GRK5: variants seen among roughly 807,000 people sequenced by gnomAD.
The protein encoded by GRK5 is g protein-coupled receptor kinase GRK5.
GRK5 carries 40 observed loss-of-function variants against 78.4 expected under a neutral mutation model. The observed-to-expected ratio is 0.51, with a 90% CI of 0.40 to 0.66. The LOEUF is 0.66. GRK5 is among the 30% of genes least tolerant of loss of function. The pLI, the probability that GRK5 is intolerant of heterozygous loss-of-function variation, is 0.00. For synonymous variants in GRK5, 289 were observed against 296.8 expected (o/e 0.97, Z 0.27); for missense variants, 598 against 759.9 (o/e 0.79, Z 2.50).
At chr10:119,432,849 T>C (rs759588091) in intron 8 of GRK5, among the ~76,000 whole-genome samples, 2 of 152,140 alleles carry the variant, frequency 1.3e-5, no homozygotes, top group Non-Finnish European at 2.9e-5. Flanking sequence ...GGCAGACAGA[T>C]CACTTGAGAT....
chr10:119,340,889 G>T (rs1245085138), intron 2 of GRK5, among the ~76,000 whole-genome samples: 1 of 152,226 alleles, frequency 6.6e-6, no homozygotes, highest in Admixed American at 6.5e-5. Flanking sequence ...TGATGTGGGT[G>T]TGTGAGCCTT....
chr10:119,356,189 A>C (rs888745354), intron 2 of GRK5, among the ~76,000 whole-genome samples: 1 of 152,236 alleles, frequency 6.6e-6, no homozygotes, highest in African/African-American at 2.4e-5. Context: ...ATTCAGACTA[A>C]AGGACATAGA....
intron 1 of GRK5, among the ~76,000 whole-genome samples, chr10:119,244,142 T>G (rs903577443): frequency 1.3e-5 from 2 of 152,272 alleles, no homozygotes; most frequent in Non-Finnish European, 2.9e-5. Flanking sequence ...AGCCACAGGC[T>G]ATACCTAAAG....
chr10:119,292,206 T>G (rs963900180), intron 1 of GRK5, among the ~76,000 whole-genome samples: 1 of 38,438 alleles, frequency 2.6e-5, no homozygotes, highest in Non-Finnish European at 5.4e-5. Flanking sequence ...CCTTCTCCTA[T>G]TCCTCCTCCT....
intron 3 of GRK5, among the ~76,000 whole-genome samples, chr10:119,386,327 G>A (rs1474042231): frequency 1.3e-5 from 2 of 152,238 alleles, no homozygotes; most frequent in African/African-American, 4.8e-5. Context: ...TTGGAAAAGA[G>A]GAGGCAGCAG....
chr10:119,392,357 G>A (rs1221382780), intron 3 of GRK5, among the ~76,000 whole-genome samples: 2 of 152,198 alleles, frequency 1.3e-5, no homozygotes, highest in African/African-American at 4.8e-5. Flanking sequence ...TTCCCTGTTG[G>A]CACCTGGCAC....
intron 3 of GRK5, among the ~76,000 whole-genome samples, chr10:119,392,060 G>A (rs1851896112): frequency 6.6e-6 from 1 of 152,220 alleles, no homozygotes; most frequent in South Asian, 2.1e-4. Context: ...GTTCTTAAAA[G>A]CATCTGAAGG....
rs1040408345 is a variant in GRK5, at chr10:119,379,068, G to T, written c.149-1747G>T. 2.6e-5 allele frequency among the ~76,000 whole-genome samples: 4 copies of T among 152,236 alleles called. No homozygotes were observed. Among genetic ancestry groups the T allele is most frequent in the African/African-American group, 9.6e-5 (4 of 41,458 alleles). On this transcript the variant is annotated intron_variant, in intron 2 of 15. Coordinates refer to ENST00000392870, the MANE Select transcript of GRK5 (RefSeq NM_005308.3). This position sits in a 1 kb window ranked among gnomAD's most constrained non-coding sequence, Gnocchi z 4.1. ...AGATTCAGAGGCTTGGGTTGAATTG[G>T]TGCAGACTGGGAGAAAGGAGGTTCC...
Position 119,431,614 on chromosome 10 carries a change from C to G in GRK5, c.738+87C>G. 2 of 1,472,708 alleles carry G rather than the reference C, an allele frequency of 1.4e-6. No homozygotes were observed. The highest frequency in any genetic ancestry group is 1.8e-6 in the Non-Finnish European group (2 of 1,091,550). The allele number at this position is 1,472,708 out of a possible 1,614,324, so 91.2% of individuals were successfully genotyped here. On this transcript the variant is annotated intron_variant, in intron 8 of 15. Coordinates refer to ENST00000392870, the MANE Select transcript of GRK5 (RefSeq NM_005308.3). This position sits in a 1 kb window ranked among gnomAD's most constrained non-coding sequence, Gnocchi z 4.8. Reference sequence around the variant, plus strand: ...TCCGGAAGGGCGTGGTCCTCTAATGCGGCCGGTCCCCACCCCTGGGAAGGG... The same window carrying G: ...TCCGGAAGGGCGTGGTCCTCTAATGGGGCCGGTCCCCACCCCTGGGAAGGG...
intron 1 of GRK5, among the ~76,000 whole-genome samples, chr10:119,237,125 C>T (rs866723379): frequency 6.9e-6 from 1 of 145,736 alleles, no homozygotes; most frequent in African/African-American, 2.5e-5. Flanking sequence ...TGCAGCCGCG[C>T]GATCTTGGCT....
chr10:119,452,874 G>C lies in GRK5; in HGVS notation c.1542+66G>C. ...GAGGGACTGACGGGTGGAAGGAGGC[G>C]TCGGGAATATGAGTTTGGCGGCAGG... On this transcript the variant is annotated intron_variant, in intron 14 of 15. Transcript: ENST00000392870. This position sits in a 1 kb window ranked among gnomAD's most constrained non-coding sequence, Gnocchi z 4.4. 3 of 1,494,792 alleles carry C rather than the reference G, an allele frequency of 2.0e-6. No individual in the cohort carries two copies. The highest frequency in any genetic ancestry group is 2.8e-6 in the Non-Finnish European group (3 of 1,082,930). The allele number at this position is 1,494,792 out of a possible 1,614,324, so 92.6% of individuals were successfully genotyped here. A position where few individuals can be genotyped will look rare whatever the true frequency, so the allele number is the denominator to read the frequency against.
intron 4 of GRK5, among the ~76,000 whole-genome samples, chr10:119,413,702 C>T (rs575472345): frequency 7.9e-5 from 12 of 152,206 alleles, no homozygotes; most frequent in African/African-American, 2.2e-4. Flanking sequence ...TCTGTGACCC[C>T]GGAACAGTAA....
rs1006430053 is a variant in GRK5 at position 119,349,772 on chromosome 10, C to T, written c.148+23161C>T. Among the ~76,000 whole-genome samples the T allele has an allele frequency of 5.9e-5, 9 of 152,324 alleles. No individual in the cohort carries two copies. In the East Asian group the frequency reaches 1.7e-3, roughly 29 times the overall value. On this transcript the variant is annotated intron_variant, in intron 2 of 15. Coordinates refer to ENST00000392870, the MANE Select transcript of GRK5 (RefSeq NM_005308.3). ...TCCCATCCAGGACTGATTCAGTGGCCACCACTTCCTACGCTTGAGGAAGGA... is the reference window on the plus strand; with the variant it reads ...TCCCATCCAGGACTGATTCAGTGGCTACCACTTCCTACGCTTGAGGAAGGA...
At position 119,394,244 on chromosome 10, in the gene GRK5, C is replaced by CTGTGTGGGTGTATCTG. The variant is rs1564916822; in HGVS notation, c.262-2445_262-2444insGGTGTATCTGTGTGTG. Among the ~76,000 whole-genome samples the CTGTGTGGGTGTATCTG allele has an allele frequency of 7.1e-3, 21 of 2,968 alleles. 4 individuals carry two copies. The highest frequency in any genetic ancestry group is 0.045 in the South Asian group (2 of 44). The allele number at this position is 2,968 out of a possible 152,430, so 1.9% of individuals were successfully genotyped here. A position where few individuals can be genotyped will look rare whatever the true frequency, so the allele number is the denominator to read the frequency against. Reference sequence around the variant, plus strand: ...CGTGTGGGTGTGGGTGTGTGGGTGTCTGTGTGTGGATGTATCTGTGTGTGT... The same window carrying CTGTGTGGGTGTATCTG: ...CGTGTGGGTGTGGGTGTGTGGGTGTCTGTGTGGGTGTATCTGTGTGTGTGGATGTATCTGTGTGTGT... On this transcript the variant is annotated intron_variant, in intron 3 of 15. Coordinates refer to ENST00000392870, the MANE Select transcript of GRK5 (RefSeq NM_005308.3).
chr10:119,310,848 G>A (rs778189193), intron 1 of GRK5, among the ~76,000 whole-genome samples: 4 of 152,184 alleles, frequency 2.6e-5, no homozygotes, highest in Non-Finnish European at 5.9e-5. Context: ...GGAAACTGTG[G>A]TTCAGAGAGG....
At chr10:119,408,334 CCT>C (rs763434909) in intron 4 of GRK5, among the ~76,000 whole-genome samples, 126 of 94,938 alleles carry the variant, frequency 1.3e-3, no homozygotes, top group Non-Finnish European at 2.2e-3. Context: ...AGAGCAAAAC[CCT>C]GTCTCAAAAA....
At position 119,299,794 on chromosome 10, in the gene GRK5, A is replaced by ATGTG. The variant is rs3981127; in HGVS notation, c.53-26696_53-26693dup. Among the ~76,000 whole-genome samples, 121 of 124,328 alleles carry ATGTG rather than the reference A, an allele frequency of 9.7e-4. 1 individual carries two copies. Among genetic ancestry groups the ATGTG allele is most frequent in the African/African-American group, 2.7e-3 (97 of 35,736 alleles). 81.6% of individuals were successfully genotyped at this position (124,328 alleles called of 152,430 possible). A position where few individuals can be genotyped will look rare whatever the true frequency, so the allele number is the denominator to read the frequency against. On this transcript the variant is annotated intron_variant, in intron 1 of 15. Coordinates refer to ENST00000392870, the MANE Select transcript of GRK5 (RefSeq NM_005308.3). ...TGTCACAGACTCTTCATTTAAGCAG[A>ATGTG]TGTGTGTGTGTGTGTGTGTGTGTGT...
chr10:119,451,821 G>A (rs1853293432), intron 13 of GRK5, among the ~76,000 whole-genome samples: 1 of 152,216 alleles, frequency 6.6e-6, no homozygotes, highest in Non-Finnish European at 1.5e-5. Flanking sequence ...AGCCCATGCT[G>A]AGCCGGTGCA....
intron 4 of GRK5, among the ~76,000 whole-genome samples, chr10:119,413,592 C>A (rs188998217): frequency 2.3e-3 from 346 of 152,086 alleles, no homozygotes; most frequent in African/African-American, 8.1e-3. Context: ...TTTGCGGAAC[C>A]CTCACAGCAC....
Sources: gnomAD v4.1 joint callset for allele counts (sites outside exome capture counted in the v4.1 genomes callset) on GRCh38, gnomAD v4.1.1 for gene constraint, Gnocchi (gnomAD v3.1) non-coding constraint, MANE v1.5 for transcripts, NCBI Gene and HGNC (gene_info 2026-07-23, HGNC 2026-07-21) for gene names.